The following ERBIN variants were observed in gnomAD, a reference collection of about 807,000 sequenced individuals.
ERBIN encodes the protein densin-180-like protein.
ERBIN carries 60 observed loss-of-function variants against 158.4 expected under a neutral mutation model. The ratio of observed to expected loss-of-function variants is 0.38; its 90% CI spans 0.31 to 0.47. ERBIN has a LOEUF of 0.47. Among genes scored for constraint, ERBIN ranks in the 20% least tolerant of loss-of-function variants. ERBIN has a pLI of 0.99. For synonymous variants in ERBIN, 594 were observed against 557.2 expected (o/e 1.07, Z -0.93); for missense variants, 1,610 against 1,648.0 (o/e 0.98, Z 0.40).
chr5:65,940,735 G>A (rs1156500166), intron 1 of ERBIN, among the ~76,000 whole-genome samples: 2 of 150,720 alleles, frequency 1.3e-5, no homozygotes, highest in Non-Finnish European at 1.5e-5. Flanking sequence ...CCGTCCGGGA[G>A]GTGAGGGGCG....
intron 21 of ERBIN, among the ~76,000 whole-genome samples, chr5:66,070,623 CTT>C (rs1304672587): frequency 1.3e-5 from 2 of 152,026 alleles, no homozygotes; most frequent in Non-Finnish European, 2.9e-5. Context: ...TACATTCACA[CTT>C]GAGTTAAAAT....
chr5:66,001,062 G>A (rs955731714), intron 4 of ERBIN, among the ~76,000 whole-genome samples: 49 of 152,090 alleles, frequency 3.2e-4, no homozygotes, highest in African/African-American at 1.1e-3. Flanking sequence ...CGATGTGGCT[G>A]GATGTTAGAA....
At chr5:66,063,558 G>C (rs549806497) in intron 21 of ERBIN, among the ~76,000 whole-genome samples, 8 of 152,192 alleles carry the variant, frequency 5.3e-5, no homozygotes, top group South Asian at 2.1e-4. Flanking sequence ...TGCACCCACT[G>C]TCCGGCACTC....
chr5:66,061,262 G>GCTC (rs1760274740), intron 21 of ERBIN, among the ~76,000 whole-genome samples: 2 of 151,234 alleles, frequency 1.3e-5, no homozygotes, highest in Admixed American at 1.3e-4. Context: ...AGGATAGTTA[G>GCTC]TTCTTGTTGA....
intron 20 of ERBIN, among the ~76,000 whole-genome samples, chr5:66,051,831 G>A (rs1346084077): frequency 2.0e-5 from 3 of 150,896 alleles, no homozygotes; most frequent in Non-Finnish European, 4.4e-5. Context: ...GGAGGCGGAA[G>A]TTGCAGTGAG....
chr5:66,031,477 A>G (rs1036048118), intron 14 of ERBIN, among the ~76,000 whole-genome samples: 1 of 152,182 alleles, frequency 6.6e-6, no homozygotes, highest in African/African-American at 2.4e-5. Context: ...AAGATAACCA[A>G]GGGATGTAAA....
intron 4 of ERBIN, among the ~76,000 whole-genome samples, chr5:66,006,871 A>G (rs902676499): frequency 7.3e-5 from 11 of 151,566 alleles, no homozygotes; most frequent in Non-Finnish European, 1.3e-4. Flanking sequence ...AATGGCAGTC[A>G]TTAAAAAGTC....
chr5:66,077,759 T>TACACACACACACACAC (rs70987111), intron 25 of ERBIN, among the ~76,000 whole-genome samples: 9 of 139,382 alleles, frequency 6.5e-5, no homozygotes, highest in South Asian at 2.4e-4. Context: ...TCCCTCCCTC[T>TACACACACACACACAC]ACACACACAC....
intron 21 of ERBIN, 51 bp downstream of exon 21, chr5:66,055,002 C>T: frequency 6.8e-7 from 1 of 1,475,538 alleles, no homozygotes; most frequent in Non-Finnish European, 9.0e-7. Flanking sequence ...TAATTATTTT[C>T]CTTAAAAATG....
intron 14 of ERBIN, among the ~76,000 whole-genome samples, chr5:66,031,361 T>C (rs10039949): frequency 0.017 from 2,634 of 152,300 alleles, 78 homozygotes; most frequent in African/African-American, 0.061. Context: ...ATTGAACAAC[T>C]GCTTTGTGCC....
At chr5:66,021,485 A>G in intron 8 of ERBIN, 100 bp downstream of exon 8, 1 of 904,154 alleles carries the variant, frequency 1.1e-6, no homozygotes, top group Non-Finnish European at 1.6e-6. Context: ...ATAAAGGTTT[A>G]CTTTTTTTTC....
At position 66,066,085 on chromosome 5, in the gene ERBIN, AT is replaced by A. The variant is rs1186245909; in HGVS notation, c.3634-6083del. Among the ~76,000 whole-genome samples the A allele has an allele frequency of 7.2e-5, 11 of 152,280 alleles. No individual in the cohort carries two copies. The East Asian group carries it at 2.1e-3, about 29-fold the overall frequency. ...CCTATGTTCAAAACATTCTAAAATCATGTAATTCTGAAAATTGTCCCTGTTT... is the reference window on the plus strand; with the variant it reads ...CCTATGTTCAAAACATTCTAAAATCAGTAATTCTGAAAATTGTCCCTGTTT... On this transcript the variant is annotated intron_variant, in intron 21 of 25. Coordinates refer to ENST00000284037, the MANE Select transcript of ERBIN (RefSeq NM_001253697.2).
At chr5:66,013,319 A>G (rs1304099657) in intron 5 of ERBIN, among the ~76,000 whole-genome samples, 1 of 152,166 alleles carries the variant, frequency 6.6e-6, no homozygotes, top group Non-Finnish European at 1.5e-5. Flanking sequence ...ATTTTACATT[A>G]TTAAAACAAA....
chr5:66,069,644 C>T (rs1195874689), intron 21 of ERBIN, among the ~76,000 whole-genome samples: 1 of 152,214 alleles, frequency 6.6e-6, no homozygotes, highest in African/African-American at 2.4e-5. Context: ...AAGAACAACT[C>T]TGGCATGGCC....
chr5:66,055,389 T>C (rs1194439369), intron 21 of ERBIN, among the ~76,000 whole-genome samples: 1 of 152,198 alleles, frequency 6.6e-6, no homozygotes, highest in Non-Finnish European at 1.5e-5. Flanking sequence ...GTCCACAGTA[T>C]ATGAACTAAC....
At chr5:66,018,501 ATATAT>A in intron 7 of ERBIN, among the ~76,000 whole-genome samples, 1 of 10,140 alleles carries the variant, frequency 9.9e-5, no homozygotes, top group African/African-American at 5.5e-4. Context: ...ATTATATAAT[ATATAT>A]TATATATTAT....
At chr5:66,048,058 G>A (rs77453144) in intron 18 of ERBIN, among the ~76,000 whole-genome samples, 6 of 151,816 alleles carry the variant, frequency 4.0e-5, no homozygotes, top group East Asian at 1.9e-4. Context: ...ATTTTAATTC[G>A]CAGATACAGG....
intron 18 of ERBIN, among the ~76,000 whole-genome samples, chr5:66,047,638 C>T (rs1758576818): frequency 6.6e-6 from 1 of 151,962 alleles, no homozygotes; most frequent in Admixed American, 6.6e-5. Flanking sequence ...TAAGTTAATA[C>T]ATCTTCATCC....
rs201171686 is a variant in ERBIN, at chr5:65,966,933, T to TA, written c.-57-21693dup. On this transcript the variant is annotated intron_variant, in intron 1 of 25. Transcript: ENST00000284037. ...TTTTTAACCAAAAAGTTTAAAAAGT[T>TA]AAAAAAAAATTTCTTTTAAATAGGA... Among the ~76,000 whole-genome samples the TA allele has an allele frequency of 2.9e-3, 439 of 151,328 alleles. 2 individuals are homozygous for TA. The highest frequency in any genetic ancestry group is 4.9e-3 in the Non-Finnish European group (333 of 67,822).
Sources: allele counts gnomAD v4.1 joint callset (sites outside exome capture counted in the v4.1 genomes callset), GRCh38; gene constraint gnomAD v4.1.1; transcripts MANE v1.5; gene names NCBI Gene and HGNC (gene_info 2026-07-23, HGNC 2026-07-21).